The following P2RX5 variants were observed in gnomAD, a reference collection of about 807,000 sequenced individuals.
The protein encoded by P2RX5 is purinergic receptor P2X 5.
Under a neutral mutation model 54.1 loss-of-function variants are expected in P2RX5, and 46 were observed. The ratio of observed to expected loss-of-function variants is 0.85; its 90% CI spans 0.67 to 1.09. P2RX5 has a LOEUF of 1.09. Among genes scored for constraint, P2RX5 ranks in the 50% least tolerant of loss-of-function variants. The pLI is 0.00. For missense variants in P2RX5, 566 were observed against 549.8 expected (o/e 1.03, Z -0.29); for synonymous variants, 226 against 226.4 (o/e 1.00, Z 0.02).
the P2RX5 span, among the ~76,000 whole-genome samples, chr17:3,715,491 A>G: frequency 1.3e-5 from 2 of 152,208 alleles, no homozygotes; most frequent in African/African-American, 2.4e-5. Flanking sequence ...CATGGAGGGC[A>G]TTCCTGACAA....
chr17:3,685,657 T>TCCCCCCCCCCCCCCCCCCCTCCCG (rs543421315), intron 9 of P2RX5: 1 of 75,844 alleles, frequency 1.3e-5, no homozygotes, highest in Non-Finnish European at 2.9e-5. Flanking sequence ...AGCGTCCCCC[T>TCCCCCCCCCCCCCCCCCCCTCCCG]CCCAGCCTGA....
chr17:3,717,132 C>A, the P2RX5 span: 1 of 251,088 alleles, frequency 4.0e-6, no homozygotes, highest in Non-Finnish European at 7.8e-6. Flanking sequence ...GACTGTGAGG[C>A]TGTCACGCCG....
At chr17:3,677,259 TGAG>T (rs1373236138) in intron 11 of P2RX5, 1 of 985,132 alleles carries the variant, frequency 1.0e-6, no homozygotes, top group East Asian at 1.1e-4. Context: ...GCCCAGCCTC[TGAG>T]GAGGGGTGGG....
At chr17:3,689,238 C>A (rs2050534241) in intron 7 of P2RX5, among the ~76,000 whole-genome samples, 1 of 146,866 alleles carries the variant, frequency 6.8e-6, no homozygotes, top group African/African-American at 2.5e-5. Flanking sequence ...CTGCCACGGC[C>A]TGCCTGTGTG....
intron 1 of P2RX5, among the ~76,000 whole-genome samples, chr17:3,693,684 G>A (rs1023518389): frequency 2.0e-5 from 3 of 152,172 alleles, no homozygotes; most frequent in African/African-American, 7.2e-5. Flanking sequence ...GTTGTAGTGA[G>A]CTGAGATCAT....
At chr17:3,678,178 G>C in intron 11 of P2RX5, 1 of 896,884 alleles carries the variant, frequency 1.1e-6, no homozygotes, top group East Asian at 1.2e-4. Context: ...AGAGAGGACT[G>C]TCGGGAGCCG....
chr17:3,688,792 C>T (rs760801503), intron 7 of P2RX5, 33 bp from the exon 8 acceptor site: 43 of 1,612,944 alleles, frequency 2.7e-5, no homozygotes, highest in Non-Finnish European at 3.6e-5. Context: ...TCAGCACACA[C>T]AGCTTTCCGG....
Position 3,673,711 on chromosome 17 carries a change from C to T in P2RX5, c.*157G>A, listed in dbSNP as rs145426638. ...ACCCCAGCATCAGACGTGGAGGTCA[C>T]TTTGCTCTGTGATGGCTGGTCCCTG... On this transcript the variant is annotated 3_prime_UTR_variant, in exon 12 of 12. Coordinates refer to ENST00000225328, the MANE Select transcript of P2RX5 (RefSeq NM_002561.4). 2 of 1,581,338 alleles carry T rather than the reference C, an allele frequency of 1.3e-6. No individual in the cohort carries two copies. The highest frequency in any genetic ancestry group is 2.7e-5 in the African/African-American group (2 of 74,308).
the P2RX5 span, among the ~76,000 whole-genome samples, chr17:3,703,311 C>CA: frequency 2.6e-5 from 4 of 151,868 alleles, no homozygotes; most frequent in Admixed American, 6.6e-5. Context: ...TAGAGACCAG[C>CA]GTGGACAACG....
the P2RX5 span, chr17:3,723,805 G>T: frequency 6.3e-7 from 1 of 1,588,712 alleles, no homozygotes; most frequent in Non-Finnish European, 8.6e-7. Context: ...TTTCCGTCCC[G>T]TCCCGGCCCC....
the P2RX5 span, among the ~76,000 whole-genome samples, chr17:3,713,036 G>A: frequency 7.9e-5 from 12 of 152,130 alleles, 1 homozygote; most frequent in Admixed American, 2.0e-4. Context: ...AACAGTCGGG[G>A]GAAAAAACGG....
At position 3,683,748 on chromosome 17, in the gene P2RX5, A is replaced by AAAAG. The variant is rs71379594; in HGVS notation, c.982-1771_982-1770insCTTT. On this transcript the variant is annotated intron_variant, in intron 9 of 11. Coordinates refer to ENST00000225328, the MANE Select transcript of P2RX5 (RefSeq NM_002561.4). ...CCGTCTCAAAAAAAAAAAAAAAAAA[A>AAAAG]GAAAAGTGATAGCTGAAGGTGGGCC... Among the ~76,000 whole-genome samples the AAAAG allele has an allele frequency of 5.6e-5, 8 of 142,408 alleles. 2 individuals are homozygous for AAAAG. Among genetic ancestry groups the AAAAG allele is most frequent in the Non-Finnish European group, 9.3e-5 (6 of 64,858 alleles). The allele number at this position is 142,408 out of a possible 152,430, so 93.4% of individuals were successfully genotyped here.
At position 3,679,612 on chromosome 17, in the gene P2RX5, G is replaced by A. The variant is rs774750517; in HGVS notation, c.1237C>T (p.Pro413Ser). 3 of 1,608,032 alleles carry A rather than the reference G, an allele frequency of 1.9e-6. No homozygotes were observed. In the Admixed American group the frequency reaches 5.0e-5, roughly 27 times the overall value. The change falls in exon 11 of 12, where the codon CCA becomes TCA. Residue 413 changes from proline to serine, a missense_variant. Physicochemically the swap from Pro to Ser is moderately conservative, Grantham distance 74. Coordinates refer to ENST00000225328, the MANE Select transcript of P2RX5 (RefSeq NM_002561.4). ...SSQKGNGSVCPQLLEPHRST is the reference protein window; with the variant it reads ...SSQKGNGSVCSQLLEPHRST ...CACCTGTGGGGCTCCAGGAGCTGTG[G>A]GCACACAGATCCGTTCCCCTTCTGA...
At chr17:3,712,672 G>A in the P2RX5 span, among the ~76,000 whole-genome samples, 3 of 152,320 alleles carry the variant, frequency 2.0e-5, no homozygotes, top group Admixed American at 6.5e-5. Context: ...GGCCGGGCCC[G>A]GATTTGGCTC....
intron 10 of P2RX5, among the ~76,000 whole-genome samples, chr17:3,680,505 C>G: frequency 8.2e-6 from 1 of 121,686 alleles, no homozygotes. Context: ...GTGTCCTCCA[C>G]CCTGCATCCT....
At chr17:3,709,409 G>A in the P2RX5 span, among the ~76,000 whole-genome samples, 1 of 152,154 alleles carries the variant, frequency 6.6e-6, no homozygotes, top group South Asian at 2.1e-4. Flanking sequence ...AACAAAGCAA[G>A]TCAACCGAAG....
chr17:3,717,039 G>C, the P2RX5 span: 1 of 413,912 alleles, frequency 2.4e-6, no homozygotes, highest in Non-Finnish European at 4.4e-6. Context: ...AGAAGGGCTA[G>C]GTCTGTCAGG....
chr17:3,715,937 A>G, the P2RX5 span, among the ~76,000 whole-genome samples: 67 of 152,062 alleles, frequency 4.4e-4, no homozygotes, highest in African/African-American at 1.6e-3. Context: ...CGGGAGGATC[A>G]CAAGGTCAGG....
chr17:3,680,303 C>T (rs1192364954), intron 10 of P2RX5, among the ~76,000 whole-genome samples: 2 of 67,412 alleles, frequency 3.0e-5, no homozygotes, highest in African/African-American at 7.9e-5. Flanking sequence ...CACCCAGTGT[C>T]CTCCACCCTG....
Sources: gnomAD v4.1 joint callset for allele counts (sites outside exome capture counted in the v4.1 genomes callset) on GRCh38, gnomAD v4.1.1 for gene constraint, MANE v1.5 for transcripts, NCBI Gene and HGNC (gene_info 2026-07-23, HGNC 2026-07-21) for gene names.